The following SSRP1 variants were observed in gnomAD, a reference collection of about 807,000 sequenced individuals.
SSRP1 encodes FACT complex subunit SSRP1.
SSRP1 carries 21 observed loss-of-function variants against 84.4 expected under a neutral mutation model. The observed-to-expected ratio is 0.25, with a 90% CI of 0.18 to 0.36. The LOEUF (loss-of-function observed/expected upper bound fraction) is 0.36, where lower values mean the gene tolerates loss of function less well. SSRP1 is among the 10% of genes least tolerant of loss of function. SSRP1 has a pLI of 1.00. For missense variants in SSRP1, 519 were observed against 900.8 expected (o/e 0.58, Z 5.43); for synonymous variants, 319 against 318.3 (o/e 1.00, Z -0.02).
In SSRP1 at chr11:57,331,894, C is replaced by G. The variant is rs146670278; in HGVS notation, c.1002-5G>C. 4 of 1,608,278 alleles carry G rather than the reference C, an allele frequency of 2.5e-6. No individual in the cohort carries two copies. The highest frequency in any genetic ancestry group is 2.5e-6 in the Non-Finnish European group (3 of 1,177,422). ...ATGCACTGGGCCCCTGAGTGCCTGA[C>G]AGAGGGTGCAGGGAGCCTGGTTAGT... On this transcript the variant is annotated splice_polypyrimidine_tract_variant and splice_region_variant and intron_variant, in intron 8 of 16. Coordinates refer to ENST00000278412, the MANE Select transcript of SSRP1 (RefSeq NM_003146.3).
chr11:57,333,391 C>A (rs758316714), intron 4 of SSRP1, 44 bp downstream of exon 4: 1 of 1,522,082 alleles, frequency 6.6e-7, no homozygotes, highest in Non-Finnish European at 9.1e-7. Context: ...TGAAACCCTT[C>A]ACCCTATCTT....
In SSRP1 at chr11:57,330,725, AC is replaced by A; in HGVS notation, c.1296+129del. 1 of 1,519,224 alleles carries A rather than the reference AC, an allele frequency of 6.6e-7. No homozygotes were observed. Among genetic ancestry groups the A allele is most frequent in the Non-Finnish European group, 8.8e-7 (1 of 1,133,822 alleles). 94.1% of individuals were successfully genotyped at this position (1,519,224 alleles called of 1,614,324 possible). On this transcript the variant is annotated intron_variant, in intron 10 of 16. Coordinates refer to ENST00000278412, the MANE Select transcript of SSRP1 (RefSeq NM_003146.3). This position sits in a 1 kb window ranked among gnomAD's most constrained non-coding sequence, Gnocchi z 4.0. ...CCTGCACCAGGAGGGGGAAAGGGTCACACGCACCTCTTTTTTCTATAAGGGT... is the reference window on the plus strand; with the variant it reads ...CCTGCACCAGGAGGGGGAAAGGGTCAACGCACCTCTTTTTTCTATAAGGGT...
rs755354855 is a variant in SSRP1 at position 57,332,168 on chromosome 11, G to C, written c.985C>G (p.Pro329Ala). 2 of 1,613,778 alleles carry C rather than the reference G, an allele frequency of 1.2e-6. No homozygotes were observed. The highest frequency in any genetic ancestry group is 2.2e-5 in the South Asian group (2 of 91,040). Reference sequence around the variant, plus strand: ...CACTCTCACCCTTGGAAGTTGCCTGGCACTGTGATCTTGCGGTTTACCAGT... The same window carrying C: ...CACTCTCACCCTTGGAAGTTGCCTGCCACTGTGATCTTGCGGTTTACCAGT... Reference protein sequence around the residue: ...KALVNRKITVPGNFQGHSGAQ... With the variant: ...KALVNRKITVAGNFQGHSGAQ... Residue 329 changes from proline (P) to alanine (A), a missense_variant, in exon 8 of 17, where the codon CCA (proline) becomes GCA (alanine). This residue lies in a region of SSRP1 where 159 missense variants were observed against 359.0 expected (regional missense o/e 0.44). Transcript: ENST00000278412. This position sits in a 1 kb window ranked among gnomAD's most constrained non-coding sequence, Gnocchi z 5.5.
At chr11:57,331,363 A>G (rs1184877102) in intron 9 of SSRP1, among the ~76,000 whole-genome samples, 2 of 152,222 alleles carry the variant, frequency 1.3e-5, no homozygotes, top group African/African-American at 4.8e-5. Flanking sequence ...CAGGAAAGAA[A>G]GAGATAGCAT....
chr11:57,334,671 T>A (rs369187335), intron 2 of SSRP1, 23 bp from the exon 3 acceptor site: 2 of 1,612,972 alleles, frequency 1.2e-6, no homozygotes, highest in South Asian at 1.1e-5. Flanking sequence ...CAGGCCCAGA[T>A]GCATGGAGAC....
At chr11:57,327,684 G>A in intron 14 of SSRP1, 28 bp downstream of exon 14, 1 of 1,611,446 alleles carries the variant, frequency 6.2e-7, no homozygotes, top group Non-Finnish European at 8.5e-7. Flanking sequence ...CCCATGAGAG[G>A]CATCACCCCT....
intron 15 of SSRP1, chr11:57,327,147 G>A: frequency 1.5e-6 from 1 of 682,670 alleles, no homozygotes; most frequent in Non-Finnish European, 2.4e-6. Flanking sequence ...TAGAGTTCAT[G>A]CAAACTGTGC....
At chr11:57,328,575 C>G in intron 12 of SSRP1, 149 bp from the exon 13 acceptor site, 1 of 1,108,430 alleles carries the variant, frequency 9.0e-7, no homozygotes, top group East Asian at 2.6e-5. Context: ...ATCCCCAACA[C>G]TGCTTTCTCC....
In SSRP1 at chr11:57,330,503, C is replaced by G. The variant is rs1353345342; in HGVS notation, c.1297-74G>C. 1 of 1,584,168 alleles carries G rather than the reference C, an allele frequency of 6.3e-7. No homozygotes were observed. Among genetic ancestry groups the G allele is most frequent in the Non-Finnish European group, 8.6e-7 (1 of 1,167,406 alleles). On this transcript the variant is annotated intron_variant, in intron 10 of 16. Coordinates refer to ENST00000278412, the MANE Select transcript of SSRP1 (RefSeq NM_003146.3). This position sits in a 1 kb window ranked among gnomAD's most constrained non-coding sequence, Gnocchi z 4.0. ...ATCCCTGCACACTCAAAAGCACACC[C>G]CCATGCCTGTCAAGTCAGAGCAGCA...
At position 57,328,284 on chromosome 11, in the gene SSRP1, C is replaced by T. The variant is rs779291472; in HGVS notation, c.1611+13G>A. On this transcript the variant is annotated intron_variant, in intron 13 of 16. Transcript: ENST00000278412. ...CTGCACCACACACAGGCCCTCCCAT[C>T]TACAGTCTGCACCTCCACAGGCTTC... 5.0e-6 allele frequency: 8 copies of T among 1,613,734 alleles called. No individual in the cohort carries two copies. The highest frequency in any genetic ancestry group is 4.5e-5 in the East Asian group (2 of 44,880).
In SSRP1 at chr11:57,326,817, TG is replaced by T; in HGVS notation, c.1943del (p.Ser648TyrfsTer9). On this transcript the variant is annotated frameshift_variant, in exon 16 of 17. Transcript: ENST00000278412. LOFTEE classifies it high-confidence loss of function. ...EKKSTPSRGSSSKSSSRQLSE... is the reference protein window; with the variant it reads ...EKKSTPSRGSXSKSSSRQLSE... Reference sequence around the variant, plus strand: ...TTAGCTGCCTTGAGGACGACTTGGATGATGAGCCCCTAGAGGGCGTGGATTT... The same window carrying T: ...TTAGCTGCCTTGAGGACGACTTGGATATGAGCCCCTAGAGGGCGTGGATTT... 2 of 1,614,218 alleles carry T rather than the reference TG, an allele frequency of 1.2e-6. No individual in the cohort carries two copies. Among genetic ancestry groups the T allele is most frequent in the Non-Finnish European group, 1.7e-6 (2 of 1,180,030 alleles).
In SSRP1 at chr11:57,332,009, G is replaced by T; in HGVS notation, c.1002-120C>A. On this transcript the variant is annotated intron_variant, in intron 8 of 16. Transcript: ENST00000278412. This position sits in a 1 kb window ranked among gnomAD's most constrained non-coding sequence, Gnocchi z 5.5. Reference sequence around the variant, plus strand: ...TAAGTAAACCTCACTGAGCTGTTCTGACAGAGGCGCTGGCACCTATTGTGA... The same window carrying T: ...TAAGTAAACCTCACTGAGCTGTTCTTACAGAGGCGCTGGCACCTATTGTGA... 1 of 1,511,464 alleles carries T rather than the reference G, an allele frequency of 6.6e-7. No homozygotes were observed. The highest frequency in any genetic ancestry group is 1.4e-5 in the African/African-American group (1 of 72,636). 93.6% of individuals were successfully genotyped at this position (1,511,464 alleles called of 1,614,324 possible).
Position 57,332,964 on chromosome 11 carries a change from C to A in SSRP1, c.532G>T (p.Val178Phe). The A allele has an allele frequency of 6.2e-7, 1 of 1,609,588 alleles. No homozygotes were observed. The highest frequency in any genetic ancestry group is 8.5e-7 in the Non-Finnish European group (1 of 1,176,974). The change falls in exon 5 of 17, where the codon GTT (valine) becomes TTT (phenylalanine). Residue 178 changes from valine (V) to phenylalanine (F), a missense_variant. By Grantham distance (50) the Val-to-Phe change is conservative. Around this residue, in one of 7 missense-constraint regions of SSRP1, gnomAD observed 159 missense variants for 359.0 expected, o/e 0.44. Transcript: ENST00000278412. The surrounding 1 kb of genome is among the most constrained non-coding windows in gnomAD (Gnocchi z 5.5). ...GCAACCAGGGGAAGCCTCACCTCAA[C>A]AGGGTCCACACCATCCTCCTGGGTG... ...PPTQEDGVDP[V>F]EAFAQNVLSK...
In SSRP1 at chr11:57,332,885, G is replaced by C; in HGVS notation, c.538-30C>G. On this transcript the variant is annotated intron_variant, in intron 5 of 16. Transcript: ENST00000278412. This position sits in a 1 kb window ranked among gnomAD's most constrained non-coding sequence, Gnocchi z 5.5. ...AAAAGCACATATTGGTAGCCAAGCA[G>C]CAGGCCCTGCTCCCAGGCCAGCCAA... 1 of 1,600,096 alleles carries C rather than the reference G, an allele frequency of 6.2e-7. No homozygotes were observed. The highest frequency in any genetic ancestry group is 8.5e-7 in the Non-Finnish European group (1 of 1,170,806).
rs546434927 is a variant in SSRP1, at chr11:57,335,763, G to A, written c.-153C>T. On this transcript the variant is annotated 5_prime_UTR_variant, in exon 1 of 17. Transcript: ENST00000278412. This position sits in a 1 kb window ranked among gnomAD's most constrained non-coding sequence, Gnocchi z 4.6. ...GCTGCGGCCTCGCGAGGGCCCCGGCGCGAGAGGTGGGCGCGCTGGGGGGAC... is the reference window on the plus strand; with the variant it reads ...GCTGCGGCCTCGCGAGGGCCCCGGCACGAGAGGTGGGCGCGCTGGGGGGAC... 3.7e-4 allele frequency: 56 copies of A among 152,380 alleles called. No homozygotes were observed. The highest frequency in any genetic ancestry group is 1.2e-3 in the African/African-American group (51 of 41,558). The allele number at this position is 152,380 out of a possible 1,614,324, so 9.4% of individuals were successfully genotyped here.
chr11:57,332,990 G>T lies in SSRP1; in HGVS notation c.506C>A (p.Pro169His), dbSNP rs1403813270. 2 of 1,613,620 alleles carry T rather than the reference G, an allele frequency of 1.2e-6. No homozygotes were observed. Among genetic ancestry groups the T allele is most frequent in the Admixed American group, 3.3e-5 (2 of 59,974 alleles). ...AGGGTCCACACCATCCTCCTGGGTG[G>T]GTGGGACGTAGAAGCGCACCTCCAT... ...SLMEVRFYVPPTQEDGVDPVE... is the reference protein window; with the variant it reads ...SLMEVRFYVPHTQEDGVDPVE... Residue 169 changes from proline (P) to histidine (H), a missense_variant, in exon 5 of 17, where the codon CCC (proline) becomes CAC (histidine). This residue lies in a region of SSRP1 where 159 missense variants were observed against 359.0 expected (regional missense o/e 0.44). Transcript: ENST00000278412. This position sits in a 1 kb window ranked among gnomAD's most constrained non-coding sequence, Gnocchi z 5.5.
In SSRP1 at chr11:57,332,874, G is replaced by A. The variant is rs767787816; in HGVS notation, c.538-19C>T. On this transcript the variant is annotated intron_variant, in intron 5 of 16. Coordinates refer to ENST00000278412, the MANE Select transcript of SSRP1 (RefSeq NM_003146.3). This position sits in a 1 kb window ranked among gnomAD's most constrained non-coding sequence, Gnocchi z 5.5. ...CAAAGGCCTGCAAAAGCACATATTG[G>A]TAGCCAAGCAGCAGGCCCTGCTCCC... 67 of 1,603,416 alleles carry A rather than the reference G, an allele frequency of 4.2e-5. No homozygotes were observed. The highest frequency in any genetic ancestry group is 1.6e-4 in the South Asian group (14 of 89,988).
intron 12 of SSRP1, chr11:57,329,785 A>C: frequency 2.1e-6 from 1 of 478,024 alleles, no homozygotes; most frequent in Non-Finnish European, 3.7e-6. Flanking sequence ...GACAACCCCC[A>C]GCAAGTAAGT....
At position 57,326,664 on chromosome 11, in the gene SSRP1, C is replaced by A. The variant is rs1409717515; in HGVS notation, c.2058+39G>T. 6 of 1,603,104 alleles carry A rather than the reference C, an allele frequency of 3.7e-6. No individual in the cohort carries two copies. The African/African-American group carries it at 5.4e-5, about 14-fold the overall frequency. Reference sequence around the variant, plus strand: ...ACCCCACACAGACACACATGCCCCTCACCCTGCCCAGCCCACAGGCCCCAC... The same window carrying A: ...ACCCCACACAGACACACATGCCCCTAACCCTGCCCAGCCCACAGGCCCCAC... On this transcript the variant is annotated intron_variant, in intron 16 of 16. Coordinates refer to ENST00000278412, the MANE Select transcript of SSRP1 (RefSeq NM_003146.3).
Sources: gnomAD v4.1 joint callset for allele counts (sites outside exome capture counted in the v4.1 genomes callset) on GRCh38, gnomAD v4.1.1 for gene constraint, gnomAD v4.1.1 regional missense constraint, Gnocchi (gnomAD v3.1) non-coding constraint, MANE v1.5 for transcripts, NCBI Gene and HGNC (gene_info 2026-07-23, HGNC 2026-07-21) for gene names.